TJP2: variants seen among roughly 807,000 people sequenced by gnomAD.
TJP2 encodes Friedreich ataxia region gene X104 (tight junction protein ZO-2).
Under a neutral mutation model 133.1 loss-of-function variants are expected in TJP2, and 91 were observed. The ratio of observed to expected loss-of-function variants is 0.68; its 90% CI spans 0.58 to 0.81. The LOEUF is 0.81. Ranked by LOEUF, TJP2 falls within the 40% of genes least tolerant of loss-of-function variation. The pLI is 0.00. For missense variants in TJP2, 1,541 were observed against 1,565.6 expected (o/e 0.98, Z 0.26); for synonymous variants, 592 against 583.4 (o/e 1.01, Z -0.21).
chr9:69,184,991 C>G (rs1825758245), intron 1 of TJP2, among the ~76,000 whole-genome samples: 1 of 152,050 alleles, frequency 6.6e-6, no homozygotes, highest in Admixed American at 6.5e-5. Context: ...CTCAGGCGAT[C>G]CTCCTACCTC....
At chr9:69,191,326 A>G (rs747921864) in intron 1 of TJP2, among the ~76,000 whole-genome samples, 24 of 152,248 alleles carry the variant, frequency 1.6e-4, no homozygotes, top group Non-Finnish European at 2.9e-4. Context: ...CTGATGTTTC[A>G]GATGTTCCTA....
chr9:69,209,578 A>G (rs1247045306), intron 1 of TJP2, among the ~76,000 whole-genome samples: 1 of 146,632 alleles, frequency 6.8e-6, no homozygotes, highest in Non-Finnish European at 1.5e-5. Context: ...GCATGGTGAA[A>G]CCCTGTCTCT....
intron 1 of TJP2, among the ~76,000 whole-genome samples, chr9:69,180,781 G>A (rs953204963): frequency 4.6e-5 from 7 of 152,230 alleles, no homozygotes; most frequent in African/African-American, 1.7e-4. Context: ...CTCAGTTTTA[G>A]CAGCCTGGTT....
At chr9:69,151,726 C>T in exon 2 of TJP2, 1 of 1,232,074 alleles carries the variant, frequency 8.1e-7, no homozygotes, top group Admixed American at 4.2e-5. Flanking sequence ...GGAGCAAGTA[C>T]TCCAGGAAGC....
chr9:69,228,830 C>A (rs913489971), intron 9 of TJP2, among the ~76,000 whole-genome samples: 1 of 152,096 alleles, frequency 6.6e-6, no homozygotes, highest in Non-Finnish European at 1.5e-5. Flanking sequence ...CTGACCTCTT[C>A]CCCCAACCCT....
intron 12 of TJP2, among the ~76,000 whole-genome samples, chr9:69,235,729 T>C (rs1455000984): frequency 1.3e-5 from 2 of 152,198 alleles, no homozygotes; most frequent in African/African-American, 2.4e-5. Flanking sequence ...TTGCTCAGTC[T>C]ACCCATTTAT....
chr9:69,204,884 C>T (rs1827274684), intron 1 of TJP2: 1 of 1,214,844 alleles, frequency 8.2e-7, no homozygotes, highest in Non-Finnish European at 1.0e-6. Context: ...AATATCTACT[C>T]GGATGCTCTA....
intron 17 of TJP2, among the ~76,000 whole-genome samples, chr9:69,245,891 C>G (rs529324721): frequency 6.6e-6 from 1 of 152,242 alleles, no homozygotes; most frequent in Non-Finnish European, 1.5e-5. Context: ...TATGTATATT[C>G]TAAAATGTGT....
At position 69,234,548 on chromosome 9, in the gene TJP2, G is replaced by T. The variant is rs1554664852; in HGVS notation, c.1780+1G>T. The T allele has an allele frequency of 1.8e-6, 2 of 1,136,826 alleles. No homozygotes were observed. The highest frequency in any genetic ancestry group is 2.4e-6 in the Non-Finnish European group (2 of 822,742). The allele number at this position is 1,136,826 out of a possible 1,614,324, so 70.4% of individuals were successfully genotyped here. On this transcript the variant is annotated splice_donor_variant, in intron 12 of 22. Transcript: ENST00000377245. LOFTEE classifies it high-confidence loss of function. ...ATTTTAGCTCAGAGCCGAGCCGATGGTGAGCAAATTTGGTCATTTAGTTTA... is the reference window on the plus strand; with the variant it reads ...ATTTTAGCTCAGAGCCGAGCCGATGTTGAGCAAATTTGGTCATTTAGTTTA...
At chr9:69,208,310 C>G (rs113563652) in intron 1 of TJP2, among the ~76,000 whole-genome samples, 6 of 152,172 alleles carry the variant, frequency 3.9e-5, no homozygotes, top group African/African-American at 9.6e-5. Context: ...ATTTTATTAC[C>G]CGTTAACCAT....
chr9:69,220,953 G>T lies in TJP2; in HGVS notation c.409G>T (p.Asp137Tyr). Residue 137 changes from aspartate (D) to tyrosine (Y), a missense_variant, in exon 5 of 23, where the codon GAC (aspartate) becomes TAC (tyrosine). Coordinates refer to ENST00000377245, the MANE Select transcript of TJP2 (RefSeq NM_004817.4). The stretch of plus-strand genomic sequence containing the variant: ...GGCCAGCCCTCCCCTGGATCAGGAT[G>T]ACCGGGCTTTTGAGGTGATGGACGA... ...LQASPPLDQD[D>Y]RAFEVMDEFD... 1.9e-6 allele frequency: 3 copies of T among 1,612,830 alleles called. No individual in the cohort carries two copies. Among genetic ancestry groups the T allele is most frequent in the South Asian group, 1.1e-5 (1 of 90,964 alleles).
At chr9:69,205,099 G>C in intron 1 of TJP2, 1 of 1,533,260 alleles carries the variant, frequency 6.5e-7, no homozygotes, top group Non-Finnish European at 8.7e-7. Flanking sequence ...CACATGGAGT[G>C]ATGGAAATGG....
At chr9:69,199,561 C>G (rs559572033) in intron 1 of TJP2, among the ~76,000 whole-genome samples, 4 of 152,106 alleles carry the variant, frequency 2.6e-5, no homozygotes, top group Admixed American at 2.0e-4. Context: ...CATGCACGTA[C>G]GCACGCACCA....
rs750448789 is a variant in TJP2 at position 69,221,132 on chromosome 9, C to T, written c.588C>T (p.Ser196=). 2 of 1,589,032 alleles carry T rather than the reference C, an allele frequency of 1.3e-6. No individual in the cohort carries two copies. The highest frequency in any genetic ancestry group is 1.7e-6 in the Non-Finnish European group (2 of 1,168,064). ...SRERDLSRDR[S]RGRSLERGLD... is the part of the protein sequence containing the mutation. The stretch of plus-strand genomic sequence containing the variant: ...AGCGGGACCTCAGCCGGGACCGGAG[C>T]CGTGGCCGGAGCCTGGAGCGGGGCC... The change falls in exon 5 of 23, where the codon AGC becomes AGT. Residue 196 remains serine (S), a synonymous_variant. Coordinates refer to ENST00000377245, the MANE Select transcript of TJP2 (RefSeq NM_004817.4).
upstream of TJP2, among the ~76,000 whole-genome samples, chr9:69,173,045 A>G (rs979384929): frequency 5.3e-5 from 8 of 152,342 alleles, no homozygotes; most frequent in African/African-American, 1.4e-4. Context: ...GTCCAGAAGC[A>G]TAACACTTCT....
At chr9:69,229,089 A>T in intron 9 of TJP2, 95 bp from the exon 10 acceptor site, 1 of 1,167,724 alleles carries the variant, frequency 8.6e-7, no homozygotes, top group Non-Finnish European at 1.3e-6. Context: ...TATGTGGCAT[A>T]GACTTACATT....
intron 3 of TJP2, 78 bp from the exon 4 acceptor site, chr9:69,218,179 T>A: frequency 8.1e-7 from 1 of 1,229,378 alleles, no homozygotes; most frequent in Non-Finnish European, 1.2e-6. Context: ...ATTTGCTGCT[T>A]CTATTTGTTC....
chr9:69,244,020 T>C (rs2486455), intron 17 of TJP2, among the ~76,000 whole-genome samples: 99,105 of 150,994 alleles, frequency 0.66, 32,509 homozygotes, highest in Admixed American at 0.69. Context: ...CCTGTCTCTA[T>C]TAAAAATAAA....
chr9:69,220,920 G>T lies in TJP2; in HGVS notation c.376G>T (p.Ala126Ser). ...VKRPRKVQVA[A>S]LQASPPLDQD... ...GAGGCCCCGGAAGGTCCAGGTGGCC[G>T]CACTTCAGGCCAGCCCTCCCCTGGA... Residue 126 changes from alanine to serine, a missense_variant, in exon 5 of 23, where the codon GCA (alanine) becomes TCA (serine). Coordinates refer to ENST00000377245, the MANE Select transcript of TJP2 (RefSeq NM_004817.4). 1 of 1,612,236 alleles carries T rather than the reference G, an allele frequency of 6.2e-7. No individual in the cohort carries two copies. The highest frequency in any genetic ancestry group is 8.5e-7 in the Non-Finnish European group (1 of 1,179,990).
Sources: gnomAD v4.1 joint callset for allele counts (sites outside exome capture counted in the v4.1 genomes callset) on GRCh38, gnomAD v4.1.1 for gene constraint, MANE v1.5 for transcripts, NCBI Gene and HGNC (gene_info 2026-07-23, HGNC 2026-07-21) for gene names.